The following ATF6 variants were observed in gnomAD, a reference collection of about 807,000 sequenced individuals.
The protein encoded by ATF6 is cyclic AMP-dependent transcription factor ATF-6 alpha.
ATF6 carries 53 observed loss-of-function variants against 83.6 expected under a neutral mutation model. The ratio of observed to expected loss-of-function variants is 0.63; its 90% CI spans 0.51 to 0.80. The LOEUF (loss-of-function observed/expected upper bound fraction) is 0.80, where lower values mean the gene tolerates loss of function less well. ATF6 is among the 30% of genes least tolerant of loss of function. The probability of loss-of-function intolerance (pLI) is 0.00; values close to 1 mark genes in which losing one functional copy is unlikely to be tolerated. For missense variants in ATF6, 744 were observed against 797.9 expected (o/e 0.93, Z 0.81); for synonymous variants, 288 against 285.8 (o/e 1.01, Z -0.08).
intron 14 of ATF6, among the ~76,000 whole-genome samples, chr1:161,909,824 C>T (rs1024529746): frequency 2.6e-5 from 4 of 152,060 alleles, no homozygotes; most frequent in African/African-American, 7.2e-5. Context: ...GGCATGGTGG[C>T]GGGCGCCTGT....
At chr1:161,867,756 C>T (rs975362779) in intron 14 of ATF6, among the ~76,000 whole-genome samples, 10 of 152,168 alleles carry the variant, frequency 6.6e-5, no homozygotes, top group East Asian at 1.9e-4. Flanking sequence ...TAAGTAAACA[C>T]GTAAAGTGTC....
chr1:161,832,469 C>T (rs1490025564), intron 9 of ATF6, among the ~76,000 whole-genome samples: 1 of 152,154 alleles, frequency 6.6e-6, no homozygotes, highest in Non-Finnish European at 1.5e-5. Flanking sequence ...TTGCCTCACC[C>T]AGGAAGTGCA....
At chr1:161,829,857 G>A (rs1686006428) in intron 9 of ATF6, among the ~76,000 whole-genome samples, 1 of 152,062 alleles carries the variant, frequency 6.6e-6, no homozygotes, top group Admixed American at 6.5e-5. Context: ...ATACTGAATG[G>A]GCAAAAACTG....
rs973232071 is a variant in ATF6, at chr1:161,961,194, G to A, written c.*2540G>A. The stretch of plus-strand genomic sequence containing the variant: ...TCCCTCTCTTCCAGGTGAAAAGGTG[G>A]GTAGCGGTTGGGAGGGAGTCTCCAC... On this transcript the variant is annotated 3_prime_UTR_variant, in exon 16 of 16. Transcript: ENST00000367942. 7 of 152,280 alleles carry A rather than the reference G, an allele frequency of 4.6e-5. No homozygotes were observed. The highest frequency in any genetic ancestry group is 1.7e-4 in the African/African-American group (7 of 41,458). 9.4% of individuals were successfully genotyped at this position (152,280 alleles called of 1,614,324 possible).
At chr1:161,943,887 C>T (rs748642893) in intron 15 of ATF6, among the ~76,000 whole-genome samples, 8 of 152,190 alleles carry the variant, frequency 5.3e-5, no homozygotes, top group Non-Finnish European at 1.2e-4. Flanking sequence ...TTACTTACTT[C>T]TCTCGCTTAC....
At chr1:161,929,953 A>C (rs1479672131) in intron 15 of ATF6, among the ~76,000 whole-genome samples, 1 of 152,188 alleles carries the variant, frequency 6.6e-6, no homozygotes, top group Non-Finnish European at 1.5e-5. Context: ...CCACATTTGG[A>C]GTCAAAGCCT....
rs552978458 is a variant in ATF6 at position 161,933,485 on chromosome 1, G to T, written c.1804+21105G>T. ...TTATGTTCTCCCCTTGACTTATAAAGATTGCTATTGAATTTTAGTATTGGA... is the reference window on the plus strand; with the variant it reads ...TTATGTTCTCCCCTTGACTTATAAATATTGCTATTGAATTTTAGTATTGGA... On this transcript the variant is annotated intron_variant, in intron 15 of 15. Coordinates refer to ENST00000367942, the MANE Select transcript of ATF6 (RefSeq NM_007348.4). 4.0e-4 allele frequency among the ~76,000 whole-genome samples: 61 copies of T among 152,260 alleles called. 2 individuals carry two copies. In the South Asian group the frequency reaches 0.012, roughly 30 times the overall value.
chr1:161,921,577 T>A (rs1479071234), intron 15 of ATF6, among the ~76,000 whole-genome samples: 1 of 152,170 alleles, frequency 6.6e-6, no homozygotes, highest in Non-Finnish European at 1.5e-5. Context: ...AAAAGCTGAT[T>A]CCATGATTTT....
At chr1:161,882,734 G>A (rs1398616844) in intron 14 of ATF6, among the ~76,000 whole-genome samples, 1 of 151,098 alleles carries the variant, frequency 6.6e-6, no homozygotes, top group Admixed American at 6.6e-5. Flanking sequence ...AGAAAATCAG[G>A]TAGCATGGGC....
At chr1:161,772,776 A>C (rs1461374970) in intron 1 of ATF6, among the ~76,000 whole-genome samples, 2 of 151,270 alleles carry the variant, frequency 1.3e-5, no homozygotes, top group East Asian at 1.9e-4. Flanking sequence ...AAAAAAAAAA[A>C]CAAAACCAAC....
chr1:161,954,081 G>A (rs1222873970), intron 15 of ATF6, among the ~76,000 whole-genome samples: 3 of 152,008 alleles, frequency 2.0e-5, no homozygotes, highest in East Asian at 3.9e-4. Flanking sequence ...CCAAGCAGAG[G>A]GAAAAAATAC....
At chr1:161,941,051 AC>A (rs1166911769) in intron 15 of ATF6, among the ~76,000 whole-genome samples, 1 of 152,210 alleles carries the variant, frequency 6.6e-6, no homozygotes, top group Non-Finnish European at 1.5e-5. Flanking sequence ...AGTGCCCAAC[AC>A]ATAATAGCTG....
chr1:161,861,522 T>A (rs1686885822), intron 13 of ATF6, among the ~76,000 whole-genome samples: 1 of 152,216 alleles, frequency 6.6e-6, no homozygotes, highest in Admixed American at 6.5e-5. Context: ...ACATTTATTT[T>A]AAAAATATAT....
intron 9 of ATF6, among the ~76,000 whole-genome samples, chr1:161,828,087 G>A (rs1205183902): frequency 6.6e-6 from 1 of 152,028 alleles, no homozygotes; most frequent in Non-Finnish European, 1.5e-5. Context: ...ATATTTTATT[G>A]TTGAGAACCT....
At chr1:161,831,487 C>T (rs1557984198) in intron 9 of ATF6, among the ~76,000 whole-genome samples, 1 of 152,160 alleles carries the variant, frequency 6.6e-6, no homozygotes, top group Non-Finnish European at 1.5e-5. Flanking sequence ...TATAAAGACA[C>T]ATGCACACAT....
intron 1 of ATF6, among the ~76,000 whole-genome samples, chr1:161,768,924 A>G (rs1338831833): frequency 6.6e-6 from 1 of 152,038 alleles, no homozygotes; most frequent in Admixed American, 6.5e-5. Context: ...CAGATTATGT[A>G]ATTAGTATGT....
chr1:161,826,887 G>A (rs1400892336), intron 9 of ATF6, among the ~76,000 whole-genome samples: 1 of 148,932 alleles, frequency 6.7e-6, no homozygotes, highest in East Asian at 2.0e-4. Flanking sequence ...GAATTGAGAT[G>A]TTTCATCATT....
chr1:161,911,495 G>C (rs1411681661), intron 14 of ATF6, among the ~76,000 whole-genome samples: 1 of 152,192 alleles, frequency 6.6e-6, no homozygotes, highest in Non-Finnish European at 1.5e-5. Context: ...TTGTGTGCTG[G>C]AAATTAGAAA....
chr1:161,890,184 C>T (rs1282770246), intron 14 of ATF6, among the ~76,000 whole-genome samples: 1 of 152,180 alleles, frequency 6.6e-6, no homozygotes, highest in East Asian at 1.9e-4. Flanking sequence ...GATCTTTAAT[C>T]TACAGTCCAG....
Sources: allele counts gnomAD v4.1 joint callset (sites outside exome capture counted in the v4.1 genomes callset), GRCh38; gene constraint gnomAD v4.1.1; transcripts MANE v1.5; gene names NCBI Gene and HGNC (gene_info 2026-07-23, HGNC 2026-07-21).